TMPRSS9: variants seen among roughly 807,000 people sequenced by gnomAD.
TMPRSS9 encodes the protein transmembrane protease serine 9.
In TMPRSS9, 113 loss-of-function variants were observed where a neutral mutation model predicts 111.4. That is an observed-to-expected ratio of 1.01 (90% CI 0.87 to 1.19). TMPRSS9 has a LOEUF of 1.19. TMPRSS9 is among the 50% of genes most tolerant of loss of function. TMPRSS9 has a pLI of 0.00. For missense variants in TMPRSS9, 1,803 were observed against 1,513.1 expected (o/e 1.19, Z -3.18); for synonymous variants, 805 against 659.1 (o/e 1.22, Z -3.39).
intron 9 of TMPRSS9, 96 bp from the exon 11 acceptor site, chr19:2,413,604 G>A (rs1024204583): frequency 7.3e-7 from 1 of 1,371,130 alleles, no homozygotes; most frequent in Non-Finnish European, 1.0e-6. Flanking sequence ...AGAGGTCCTG[G>A]CTGTCCCAGC....
Position 2,416,521 on chromosome 19 carries a change from G to C in TMPRSS9, c.1746-17G>C. The C allele has an allele frequency of 6.3e-7, 1 of 1,595,136 alleles. No homozygotes were observed. The highest frequency in any genetic ancestry group is 8.5e-7 in the Non-Finnish European group (1 of 1,171,402). On this transcript the variant is annotated splice_polypyrimidine_tract_variant and intron_variant, in intron 11 of 17. Transcript: ENST00000648592. ...TGTGCTGGAGGGCAGGCATGTCTGA[G>C]GGCCCTGTCTCCATAGCACGAAGGT...
chr19:2,374,825 T>C (rs1230171626), intron 1 of TMPRSS9, among the ~76,000 whole-genome samples: 1 of 152,132 alleles, frequency 6.6e-6, no homozygotes, highest in Non-Finnish European at 1.5e-5. Flanking sequence ...TTGATTGTAT[T>C]GTGTTCTTCT....
intron 1 of TMPRSS9, among the ~76,000 whole-genome samples, chr19:2,377,279 ATG>A (rs368002744): frequency 8.3e-5 from 10 of 119,944 alleles, no homozygotes; most frequent in African/African-American, 3.5e-4. Context: ...GTATGTATGT[ATG>A]TATGTATGTA....
rs72971464 is a variant in TMPRSS9 at position 2,402,118 on chromosome 19, C to G, written c.556+102C>G. The G allele has an allele frequency of 1.0e-4, 119 of 1,170,208 alleles. No individual in the cohort carries two copies. The South Asian group carries it at 1.4e-3, about 14-fold the overall frequency. The allele number at this position is 1,170,208 out of a possible 1,614,324, so 72.5% of individuals were successfully genotyped here. ...AAGGAATCCCTGGAACGAGGCTGGG[C>G]GCGGTGGCTCACATCTGTCGTCCCA... On this transcript the variant is annotated intron_variant, in intron 5 of 17. Transcript: ENST00000648592.
At position 2,371,986 on chromosome 19, in the gene TMPRSS9, C is replaced by T. The variant is rs149925521; in HGVS notation, c.-26+11626C>T. ...TGCGATCTCGGCTCACTGCAACCTC[C>T]GTCTCCCGGGTTCAAGCTGGGATTA... On this transcript the variant is annotated intron_variant, in intron 1 of 17. Transcript: ENST00000649857. Among the ~76,000 whole-genome samples, 598 of 152,192 alleles carry T rather than the reference C, an allele frequency of 3.9e-3. 4 individuals carry two copies. The highest frequency in any genetic ancestry group is 0.014 in the African/African-American group (574 of 41,512).
chr19:2,417,621 CTGG>C (rs1971278329), intron 12 of TMPRSS9, among the ~76,000 whole-genome samples: 1 of 152,168 alleles, frequency 6.6e-6, no homozygotes. Context: ...GCACTCCAGC[CTGG>C]GCAACAGAGC....
At chr19:2,368,774 G>GTTTGTTTTTTTTTTTTT (rs1970265977) in intron 1 of TMPRSS9, among the ~76,000 whole-genome samples, 1 of 70,366 alleles carries the variant, frequency 1.4e-5, no homozygotes, top group African/African-American at 6.0e-5. Context: ...GATAAACCCA[G>GTTTGTTTTTTTTTTTTT]TTTTTTTTTT....
intron 1 of TMPRSS9, among the ~76,000 whole-genome samples, chr19:2,395,871 G>A (rs970806812): frequency 6.6e-6 from 1 of 152,078 alleles, no homozygotes; most frequent in Non-Finnish European, 1.5e-5. Flanking sequence ...AGCCACGCGT[G>A]GTCGTGGGTG....
chr19:2,399,919 G>T (rs1426018864), intron 4 of TMPRSS9, among the ~76,000 whole-genome samples: 1 of 152,024 alleles, frequency 6.6e-6, no homozygotes, highest in African/African-American at 2.4e-5. Context: ...TTAGTGAGAT[G>T]GGGTTTCACC....
intron 6 of TMPRSS9, among the ~76,000 whole-genome samples, chr19:2,404,593 G>A (rs1008389532): frequency 6.6e-6 from 1 of 150,896 alleles, no homozygotes; most frequent in East Asian, 2.0e-4. Context: ...TAAGATAGAA[G>A]ATACAAAGGA....
intron 12 of TMPRSS9, among the ~76,000 whole-genome samples, chr19:2,417,412 G>A (rs111262587): frequency 6.6e-6 from 1 of 151,084 alleles, no homozygotes. Context: ...GCTGCAGTGA[G>A]CTGAGATTGT....
intron 1 of TMPRSS9, among the ~76,000 whole-genome samples, chr19:2,384,719 T>G (rs1970438436): frequency 6.8e-6 from 1 of 146,386 alleles, no homozygotes. Flanking sequence ...GGAGGCGGAG[T>G]CAGGAGAATG....
At chr19:2,403,865 C>T (rs1378834610) in intron 6 of TMPRSS9, among the ~76,000 whole-genome samples, 7 of 151,814 alleles carry the variant, frequency 4.6e-5, no homozygotes, top group East Asian at 1.9e-4. Flanking sequence ...TGGTGGCGGG[C>T]GCCTGTAGTC....
At chr19:2,398,800 A>G in exon 3 of TMPRSS9, 1 of 1,459,790 alleles carries the variant, frequency 6.9e-7, no homozygotes, top group African/African-American at 1.4e-5. Flanking sequence ...TGCAGTTTGT[A>G]AGTAGTTTTC....
At chr19:2,392,357 C>T (rs1432251025) in intron 1 of TMPRSS9, among the ~76,000 whole-genome samples, 7 of 151,236 alleles carry the variant, frequency 4.6e-5, no homozygotes, top group Non-Finnish European at 1.5e-5. Flanking sequence ...CACACCACTG[C>T]ACTCCAGCTT....
chr19:2,382,705 A>C (rs1970400738), intron 1 of TMPRSS9, among the ~76,000 whole-genome samples: 1 of 151,604 alleles, frequency 6.6e-6, no homozygotes, highest in South Asian at 2.1e-4. Context: ...ATGCACACAC[A>C]AAAGCACACA....
chr19:2,376,632 G>T (rs532462008), intron 1 of TMPRSS9, among the ~76,000 whole-genome samples: 1 of 152,166 alleles, frequency 6.6e-6, no homozygotes, highest in East Asian at 1.9e-4. Flanking sequence ...GCTAATTTTT[G>T]TATTTTTAGT....
intron 14 of TMPRSS9, among the ~76,000 whole-genome samples, chr19:2,423,675 C>T (rs1470393384): frequency 6.6e-6 from 1 of 152,084 alleles, no homozygotes; most frequent in Non-Finnish European, 1.5e-5. Context: ...TTGCGCTTGG[C>T]ACCGTCTGGG....
At chr19:2,399,926 C>T (rs1361697225) in intron 4 of TMPRSS9, among the ~76,000 whole-genome samples, 2 of 152,134 alleles carry the variant, frequency 1.3e-5, no homozygotes, top group African/African-American at 4.8e-5. Flanking sequence ...GATGGGGTTT[C>T]ACCATGTGTA....
Sources: allele counts gnomAD v4.1 joint callset (sites outside exome capture counted in the v4.1 genomes callset), GRCh38; gene constraint gnomAD v4.1.1; transcripts MANE v1.5; gene names NCBI Gene and HGNC (gene_info 2026-07-23, HGNC 2026-07-21).